Variants in DGKA observed in about 807,000 individuals in gnomAD.
The protein encoded by DGKA is 80 kDa diacylglycerol kinase.
DGKA carries 35 observed loss-of-function variants against 105.0 expected under a neutral mutation model. The ratio of observed to expected loss-of-function variants is 0.33; its 90% CI spans 0.25 to 0.44. The LOEUF is 0.44. Among genes scored for constraint, DGKA ranks in the 20% least tolerant of loss-of-function variants. The probability of loss-of-function intolerance (pLI) is 1.00; values close to 1 mark genes in which losing one functional copy is unlikely to be tolerated. For missense variants in DGKA, 665 were observed against 915.0 expected (o/e 0.73, Z 3.53); for synonymous variants, 296 against 332.0 (o/e 0.89, Z 1.18).
intron 17 of DGKA, 76 bp from the exon 18 acceptor site, chr12:55,951,547 T>G: frequency 4.0e-6 from 6 of 1,485,346 alleles, no homozygotes; most frequent in East Asian, 2.3e-5. Flanking sequence ...CCCCTGGGAA[T>G]TTGTGGAGCT....
At chr12:55,953,284 C>A in intron 22 of DGKA, 66 bp from the exon 23 acceptor site, 1 of 1,612,062 alleles carries the variant, frequency 6.2e-7, no homozygotes, top group Non-Finnish European at 8.5e-7. Context: ...TCAAAGCCAA[C>A]CTAAGAAGCA....
intron 17 of DGKA, 189 bp downstream of exon 17, chr12:55,942,452 A>G: frequency 1.7e-6 from 1 of 588,862 alleles, no homozygotes; most frequent in Non-Finnish European, 3.0e-6. Flanking sequence ...CACAATCTGA[A>G]CCTAGAAGGG....
intron 1 of DGKA, among the ~76,000 whole-genome samples, chr12:55,934,431 G>A (rs994341131): frequency 6.6e-6 from 1 of 152,176 alleles, no homozygotes; most frequent in Non-Finnish European, 1.5e-5. Flanking sequence ...TAGGATGTCA[G>A]TATCCCAGAA....
At position 55,937,415 on chromosome 12, in the gene DGKA, G is replaced by C. The variant is rs151033376; in HGVS notation, c.146G>C (p.Gly49Ala). ...TGCTCACTCTCATTATAGGCCATTG[G>C]GTACGAGGGATTCCAGCAATTCCTG... ...MAKYVQGDAI[G>A]YEGFQQFLKI... The change falls in exon 4 of 24, where the codon GGG (glycine) becomes GCG (alanine). Residue 49 changes from glycine to alanine, a missense_variant. Coordinates refer to ENST00000331886, the MANE Select transcript of DGKA (RefSeq NM_001345.5). 5.6e-5 allele frequency: 90 copies of C among 1,613,884 alleles called. No homozygotes were observed. Among genetic ancestry groups the C allele is most frequent in the South Asian group, 2.6e-4 (24 of 91,048 alleles).
chr12:55,940,434 G>C lies in DGKA; in HGVS notation c.918+1G>C. On this transcript the variant is annotated splice_donor_variant, in intron 11 of 23. Coordinates refer to ENST00000331886, the MANE Select transcript of DGKA (RefSeq NM_001345.5). LOFTEE classifies it high-confidence loss of function. This position sits in a 1 kb window ranked among gnomAD's most constrained non-coding sequence, Gnocchi z 4.3. ...GCATTGTGTATGGTGCCACCTAGAGGTCAGTTTGGGAGCCATCCCTTCTGG... is the reference window on the plus strand; with the variant it reads ...GCATTGTGTATGGTGCCACCTAGAGCTCAGTTTGGGAGCCATCCCTTCTGG... 2.5e-6 allele frequency: 4 copies of C among 1,614,076 alleles called. No homozygotes were observed. Among genetic ancestry groups the C allele is most frequent in the Non-Finnish European group, 3.4e-6 (4 of 1,180,030 alleles).
Position 55,941,732 on chromosome 12 carries a change from G to T in DGKA, c.1250+148G>T, listed in dbSNP as rs568523769. On this transcript the variant is annotated intron_variant, in intron 15 of 23. Transcript: ENST00000331886. ...AATTCAGAATATTTCCTTCCCTAGG[G>T]TCACTGGGTATCCCATCCTCCGAGC... 1.0e-5 allele frequency: 9 copies of T among 876,458 alleles called. No individual in the cohort carries two copies. In the African/African-American group the frequency reaches 1.5e-4, roughly 15 times the overall value. The allele number at this position is 876,458 out of a possible 1,614,324, so 54.3% of individuals were successfully genotyped here.
Position 55,937,975 on chromosome 12 carries a change from C to T in DGKA, c.275-3C>T, listed in dbSNP as rs1213433995. 3.1e-6 allele frequency: 5 copies of T among 1,613,924 alleles called. No homozygotes were observed. Among genetic ancestry groups the T allele is most frequent in the African/African-American group, 1.3e-5 (1 of 74,984 alleles). ...GACTTCTGATCTGCTTTTTTGTAAC[C>T]AGATGTGGTGTGTCTCAATGATGTT... is the stretch of plus-strand genomic sequence containing the variant. On this transcript the variant is annotated splice_polypyrimidine_tract_variant and splice_region_variant and intron_variant, in intron 4 of 23. Coordinates refer to ENST00000331886, the MANE Select transcript of DGKA (RefSeq NM_001345.5).
rs1886032163 is a variant in DGKA, at chr12:55,941,671, T to C, written c.1250+87T>C. 4 of 1,387,636 alleles carry C rather than the reference T, an allele frequency of 2.9e-6. No individual in the cohort carries two copies. The East Asian group carries it at 9.2e-5, about 32-fold the overall frequency. The allele number at this position is 1,387,636 out of a possible 1,614,324, so 86.0% of individuals were successfully genotyped here. ...AGGAGAGTGCAGGAAAGAGTGCAGA[T>C]TGGGAGAGGAGGGCTAGAGATCCCC... On this transcript the variant is annotated intron_variant, in intron 15 of 23. Transcript: ENST00000331886.
chr12:55,944,924 C>A (rs914090980), intron 17 of DGKA, among the ~76,000 whole-genome samples: 8 of 152,282 alleles, frequency 5.3e-5, no homozygotes, highest in African/African-American at 1.9e-4. Context: ...CTTACCCTCC[C>A]GAGTAGCTGG....
At chr12:55,949,451 G>A (rs1338686758) in intron 17 of DGKA, among the ~76,000 whole-genome samples, 7 of 152,098 alleles carry the variant, frequency 4.6e-5, no homozygotes, top group South Asian at 2.1e-4. Flanking sequence ...TGCCCACCTC[G>A]GCCTCCCAAA....
intron 17 of DGKA, among the ~76,000 whole-genome samples, chr12:55,947,814 G>T (rs1887339990): frequency 6.6e-6 from 1 of 152,008 alleles, no homozygotes; most frequent in African/African-American, 2.4e-5. Context: ...TTTTGAGACG[G>T]AGTTCCACTC....
chr12:55,927,434 G>T (rs1280436552), upstream of DGKA: 1 of 708,638 alleles, frequency 1.4e-6, no homozygotes, highest in South Asian at 1.5e-5. Flanking sequence ...CGAGGGAAAA[G>T]GGCGCAAGGC....
At chr12:55,948,409 A>G (rs1386371211) in intron 17 of DGKA, among the ~76,000 whole-genome samples, 1 of 151,192 alleles carries the variant, frequency 6.6e-6, no homozygotes, top group African/African-American at 2.4e-5. Flanking sequence ...TCGAAAAAAA[A>G]AAAAAAGGTA....
intron 17 of DGKA, among the ~76,000 whole-genome samples, chr12:55,950,286 T>TTTTTA (rs577528770): frequency 0.012 from 1,804 of 150,822 alleles, 18 homozygotes; most frequent in East Asian, 0.022. Flanking sequence ...ACCTGGCTAA[T>TTTTTA]TTTTATTTTA....
In DGKA at chr12:55,937,512, T is replaced by C; in HGVS notation, c.243T>C (p.Gly81=). 1.2e-6 allele frequency: 2 copies of C among 1,614,204 alleles called. No homozygotes were observed. Among genetic ancestry groups the C allele is most frequent in the Admixed American group, 1.7e-5 (1 of 60,024 alleles). ...SLALFQSFET[G]HCLNETNVTK... Reference sequence around the variant, plus strand: ...CACTGTTTCAATCCTTTGAGACTGGTCACTGCTTAAATGAGACAAATGTGA... The same window carrying C: ...CACTGTTTCAATCCTTTGAGACTGGCCACTGCTTAAATGAGACAAATGTGA... Residue 81 remains glycine (G), a synonymous_variant, in exon 4 of 24, where the codon GGT becomes GGC. Transcript: ENST00000331886.
Position 55,952,487 on chromosome 12 carries a change from T to G in DGKA, c.1743+56T>G. 1 of 1,542,636 alleles carries G rather than the reference T, an allele frequency of 6.5e-7. No homozygotes were observed. Among genetic ancestry groups the G allele is most frequent in the Non-Finnish European group, 9.0e-7 (1 of 1,115,166 alleles). On this transcript the variant is annotated intron_variant, in intron 20 of 23. Transcript: ENST00000331886. This position sits in a 1 kb window ranked among gnomAD's most constrained non-coding sequence, Gnocchi z 5.1. ...TTTTCAGCTTCTTAATAGCCAAGTT[T>G]CTCCCTCCATGGCACCCTTAGGAAC...
At chr12:55,927,850 A>C, upstream of DGKA, 1 of 1,488,416 alleles carries the variant, frequency 6.7e-7, no homozygotes, top group Non-Finnish European at 9.0e-7. Context: ...CGGCGAAGTG[A>C]TGAGGGCCCT....
upstream of DGKA, chr12:55,930,897 G>C (rs1443368394): frequency 6.6e-6 from 1 of 152,168 alleles, no homozygotes; most frequent in Non-Finnish European, 1.5e-5. Context: ...GTTTCCACTA[G>C]AGGGCCTCAT....
Position 55,951,592 on chromosome 12 carries a change from C to G in DGKA, c.1427-31C>G, listed in dbSNP as rs559465920. On this transcript the variant is annotated intron_variant, in intron 17 of 23. Transcript: ENST00000331886. ...GAAGAGGCCTCTCTGGGACCCAGAG[C>G]TCAGTGCTAACCTGTCTTCTCCACT... The G allele has an allele frequency of 6.9e-6, 11 of 1,602,614 alleles. No individual in the cohort carries two copies. In the Admixed American group the frequency reaches 1.7e-4, roughly 25 times the overall value.
Sources: allele counts gnomAD v4.1 joint callset (sites outside exome capture counted in the v4.1 genomes callset), GRCh38; gene constraint gnomAD v4.1.1; non-coding constraint Gnocchi (gnomAD v3.1); transcripts MANE v1.5; gene names NCBI Gene and HGNC (gene_info 2026-07-23, HGNC 2026-07-21).